The following VWA8 variants were observed in gnomAD, a reference collection of about 807,000 sequenced individuals.
VWA8 encodes von Willebrand factor A domain-containing protein 8.
Under a neutral mutation model 241.5 loss-of-function variants are expected in VWA8, and 221 were observed. The observed-to-expected ratio is 0.91, with a 90% CI of 0.82 to 1.02. VWA8 has a LOEUF of 1.02. Among genes scored for constraint, VWA8 ranks in the 50% least tolerant of loss-of-function variants. The pLI, the probability that VWA8 is intolerant of heterozygous loss-of-function variation, is 0.00. For synonymous variants in VWA8, 852 were observed against 827.1 expected, an observed-to-expected ratio of 1.03 and a Z score of -0.52; for missense variants, 2,322 against 2,328.7, an observed-to-expected ratio of 1.00 and a Z score of 0.06.
intron 9 of VWA8, among the ~76,000 whole-genome samples, chr13:41,875,101 T>C (rs1252391237): frequency 1.3e-5 from 2 of 152,154 alleles, no homozygotes; most frequent in Non-Finnish European, 2.9e-5. Flanking sequence ...ACAAACAAAA[T>C]TATTTTTCCT....
rs190680939 is a variant in VWA8, at chr13:41,848,483, G to A, written c.1426-14952C>T. 1.6e-3 allele frequency among the ~76,000 whole-genome samples: 239 copies of A among 152,236 alleles called. 2 individuals are homozygous for A. The highest frequency in any genetic ancestry group is 3.0e-3 in the Non-Finnish European group (204 of 68,022). On this transcript the variant is annotated intron_variant, in intron 12 of 44. Coordinates refer to ENST00000379310, the MANE Select transcript of VWA8 (RefSeq NM_015058.2). ...TGGGCGGAACCAGGTGGAGATGACTGGATCATGGGGGTGGTTTCCCCTATG... is the reference window on the plus strand; with the variant it reads ...TGGGCGGAACCAGGTGGAGATGACTAGATCATGGGGGTGGTTTCCCCTATG...
chr13:41,607,303 G>T (rs2044559396), intron 39 of VWA8, among the ~76,000 whole-genome samples: 1 of 152,152 alleles, frequency 6.6e-6, no homozygotes, highest in Admixed American at 6.5e-5. Context: ...TATCTGAATG[G>T]TTGTATCTTG....
At chr13:41,923,480 G>A (rs1197133764) in intron 2 of VWA8, among the ~76,000 whole-genome samples, 1 of 152,060 alleles carries the variant, frequency 6.6e-6, no homozygotes, top group East Asian at 1.9e-4. Context: ...CTTTGTGGGA[G>A]AAATGTATCC....
At chr13:41,779,265 A>G (rs1868782113) in intron 19 of VWA8, among the ~76,000 whole-genome samples, 1 of 148,690 alleles carries the variant, frequency 6.7e-6, no homozygotes, top group Non-Finnish European at 1.5e-5. Flanking sequence ...TAAAATATAC[A>G]TATACATACT....
chr13:41,912,034 T>C lies in VWA8; in HGVS notation c.372+4A>G, dbSNP rs1226075535. 6.4e-7 allele frequency: 1 copy of C among 1,565,860 alleles called. No individual in the cohort carries two copies. Among genetic ancestry groups the C allele is most frequent in the Non-Finnish European group, 8.7e-7 (1 of 1,155,792 alleles). On this transcript the variant is annotated splice_donor_region_variant and intron_variant, in intron 3 of 44. Coordinates refer to ENST00000379310, the MANE Select transcript of VWA8 (RefSeq NM_015058.2). ...TTAGAAATTGACAAGAATTAACTGC[T>C]CACCAAGTACTGCATAGCAATAGAG...
chr13:41,611,263 C>G (rs1357050008), intron 39 of VWA8, among the ~76,000 whole-genome samples: 1 of 152,170 alleles, frequency 6.6e-6, no homozygotes, highest in Non-Finnish European at 1.5e-5. Context: ...CCGCACTAAT[C>G]TGCAAGATTT....
intron 14 of VWA8, among the ~76,000 whole-genome samples, chr13:41,829,530 TAC>T (rs71096546): frequency 0.096 from 13,422 of 139,666 alleles, 882 homozygotes; most frequent in African/African-American, 0.19. Context: ...GGAAATGTGA[TAC>T]ACACACACAC....
At chr13:41,617,167 G>A (rs2044626296) in intron 37 of VWA8, among the ~76,000 whole-genome samples, 1 of 151,840 alleles carries the variant, frequency 6.6e-6, no homozygotes, top group South Asian at 2.1e-4. Context: ...CACACAGGCT[G>A]GAGTGCAGTG....
chr13:41,925,376 C>T (rs1018622942), intron 2 of VWA8, among the ~76,000 whole-genome samples: 3 of 152,134 alleles, frequency 2.0e-5, no homozygotes, highest in African/African-American at 7.2e-5. Flanking sequence ...ATACTGTAAA[C>T]AGTGTGTAAA....
chr13:41,638,944 G>C (rs9566813), intron 37 of VWA8, among the ~76,000 whole-genome samples: 7,216 of 152,206 alleles, frequency 0.047, 230 homozygotes, highest in East Asian at 0.16. Flanking sequence ...GGAAAGACAG[G>C]CCTTTGACAA....
chr13:41,713,046 A>G (rs1293061472), intron 26 of VWA8, among the ~76,000 whole-genome samples: 2 of 152,182 alleles, frequency 1.3e-5, no homozygotes, highest in Non-Finnish European at 2.9e-5. Context: ...ATGCCATAGA[A>G]ATGCCTAGTT....
chr13:41,624,622 C>A (rs1457692417), intron 37 of VWA8, among the ~76,000 whole-genome samples: 2 of 152,198 alleles, frequency 1.3e-5, no homozygotes, highest in African/African-American at 4.8e-5. Flanking sequence ...TAAAATTCAA[C>A]ATCCCTTTAT....
At chr13:41,637,156 A>G (rs1593665701) in intron 37 of VWA8, among the ~76,000 whole-genome samples, 1 of 151,770 alleles carries the variant, frequency 6.6e-6, no homozygotes, top group African/African-American at 2.4e-5. Flanking sequence ...CAGACTTGGA[A>G]CCAACCCAAA....
chr13:41,813,428 C>G (rs1405246005), intron 16 of VWA8, among the ~76,000 whole-genome samples: 1 of 152,072 alleles, frequency 6.6e-6, no homozygotes, highest in Admixed American at 6.6e-5. Flanking sequence ...TGACTGATAT[C>G]AAAAGTCAAA....
At chr13:41,759,391 C>T (rs995134026) in intron 21 of VWA8, among the ~76,000 whole-genome samples, 32 of 151,378 alleles carry the variant, frequency 2.1e-4, no homozygotes, top group African/African-American at 7.0e-4. Context: ...TGATTATATG[C>T]TATGTAGTGT....
At chr13:41,838,116 CAAG>C (rs1198232228) in intron 12 of VWA8, among the ~76,000 whole-genome samples, 6 of 152,198 alleles carry the variant, frequency 3.9e-5, no homozygotes, top group African/African-American at 1.4e-4. Context: ...AAGCACAACT[CAAG>C]AAATGGATCA....
At chr13:41,588,737 A>G (rs1235270218) in intron 41 of VWA8, among the ~76,000 whole-genome samples, 1 of 151,320 alleles carries the variant, frequency 6.6e-6, no homozygotes, top group African/African-American at 2.4e-5. Context: ...AAAAAAAAAA[A>G]GGAAGAAGAA....
chr13:41,687,184 C>T (rs906909202), intron 34 of VWA8, among the ~76,000 whole-genome samples: 1 of 151,984 alleles, frequency 6.6e-6, no homozygotes, highest in Non-Finnish European at 1.5e-5. Context: ...TAACAGAGCT[C>T]AAATTTTAAA....
intron 9 of VWA8, among the ~76,000 whole-genome samples, chr13:41,872,629 T>C (rs1873687702): frequency 6.6e-6 from 1 of 152,160 alleles, no homozygotes; most frequent in Non-Finnish European, 1.5e-5. Flanking sequence ...ATATATGGCG[T>C]TATTTCTGAG....
Sources: allele counts gnomAD v4.1 joint callset (sites outside exome capture counted in the v4.1 genomes callset), GRCh38; gene constraint gnomAD v4.1.1; transcripts MANE v1.5; gene names NCBI Gene and HGNC (gene_info 2026-07-23, HGNC 2026-07-21).